Variants in AFAP1 observed in about 807,000 individuals in gnomAD.
The protein encoded by AFAP1 is actin filament-associated protein 1.
AFAP1 carries 75 observed loss-of-function variants against 93.9 expected under a neutral mutation model. The observed-to-expected ratio is 0.80, with a 90% CI of 0.66 to 0.97. The LOEUF (loss-of-function observed/expected upper bound fraction) is 0.97, where lower values mean the gene tolerates loss of function less well. Ranked by LOEUF, AFAP1 falls within the 50% of genes least tolerant of loss-of-function variation. The pLI, the probability that AFAP1 is intolerant of heterozygous loss-of-function variation, is 0.00. For missense variants in AFAP1, 1,201 were observed against 1,050.8 expected (o/e 1.14, Z -1.98); for synonymous variants, 517 against 430.7 (o/e 1.20, Z -2.48).
chr4:7,880,584 C>T (rs78972617), intron 1 of AFAP1, among the ~76,000 whole-genome samples: 17,351 of 152,264 alleles, frequency 0.11, 1,133 homozygotes, highest in Non-Finnish European at 0.16. Context: ...GGCCCAAATG[C>T]CTTTATTTCA....
intron 1 of AFAP1, among the ~76,000 whole-genome samples, chr4:7,928,707 G>A (rs1019258096): frequency 2.0e-5 from 3 of 152,158 alleles, no homozygotes; most frequent in African/African-American, 7.2e-5. Flanking sequence ...TTTTATTCCT[G>A]AATTAAACCT....
rs190246659 is a variant in AFAP1 at position 7,809,596 on chromosome 4, C to T, written c.1054+18G>A. The T allele has an allele frequency of 3.2e-5, 52 of 1,606,326 alleles. No individual in the cohort carries two copies. Among genetic ancestry groups the T allele is most frequent in the East Asian group, 1.1e-4 (5 of 44,772 alleles). ...CACTTAGGTGCACGCTGCTCGTCTC[C>T]GGGAAGCGCAGTCTTACCGCAGGTG... is the stretch of plus-strand genomic sequence containing the variant. On this transcript the variant is annotated intron_variant, in intron 9 of 17. Coordinates refer to ENST00000420658, the MANE Select transcript of AFAP1 (RefSeq NM_001134647.2).
At chr4:7,884,954 C>A (rs73073932) in intron 1 of AFAP1, among the ~76,000 whole-genome samples, 2,806 of 152,278 alleles carry the variant, frequency 0.018, 50 homozygotes, top group South Asian at 0.067. Flanking sequence ...CCCACCACAC[C>A]TCTGTGCTTT....
At chr4:7,776,556 A>C (rs1716148576) in intron 14 of AFAP1, 1 of 152,192 alleles carries the variant, frequency 6.6e-6, no homozygotes, top group Non-Finnish European at 1.5e-5. Flanking sequence ...GCAGGGAGCC[A>C]TTTCTAGCAC....
At chr4:7,831,828 C>G (rs912854500) in intron 6 of AFAP1, among the ~76,000 whole-genome samples, 3 of 152,106 alleles carry the variant, frequency 2.0e-5, no homozygotes, top group Admixed American at 1.3e-4. Flanking sequence ...GTGAAGAAAA[C>G]AGAATCATAC....
chr4:7,875,149 C>T (rs980630408), intron 1 of AFAP1, among the ~76,000 whole-genome samples: 3 of 152,122 alleles, frequency 2.0e-5, no homozygotes, highest in African/African-American at 7.2e-5. Flanking sequence ...ATGCAAAAAG[C>T]CTAAGCAAAA....
chr4:7,912,285 G>C (rs541140144), intron 1 of AFAP1, among the ~76,000 whole-genome samples: 78 of 152,274 alleles, frequency 5.1e-4, no homozygotes, highest in African/African-American at 1.8e-3. Context: ...TTTGTGTGAA[G>C]GTTAAGTCTT....
chr4:7,881,824 C>T (rs1433757867), intron 1 of AFAP1, among the ~76,000 whole-genome samples: 1 of 151,920 alleles, frequency 6.6e-6, no homozygotes, highest in African/African-American at 2.4e-5. Flanking sequence ...ACTCTGTCAC[C>T]ACATAAACCT....
chr4:7,793,007 A>C (rs964113044), intron 11 of AFAP1, among the ~76,000 whole-genome samples: 2 of 152,328 alleles, frequency 1.3e-5, no homozygotes, highest in East Asian at 3.9e-4. Flanking sequence ...GTATATTATG[A>C]AAATAATTTA....
intron 16 of AFAP1, among the ~76,000 whole-genome samples, chr4:7,771,053 C>T (rs1329172293): frequency 6.6e-6 from 1 of 152,264 alleles, no homozygotes; most frequent in Non-Finnish European, 1.5e-5. Context: ...ATTCCCCCTG[C>T]ACCCCTCCTC....
At chr4:7,845,889 G>A (rs1260719495) in intron 4 of AFAP1, among the ~76,000 whole-genome samples, 1 of 152,142 alleles carries the variant, frequency 6.6e-6, no homozygotes, top group African/African-American at 2.4e-5. Flanking sequence ...GGGGTGGGGG[G>A]GGCAAGATCT....
intron 13 of AFAP1, chr4:7,779,149 A>G (rs1716480413): frequency 2.5e-6 from 1 of 399,988 alleles, no homozygotes. Context: ...CTGGCAGACC[A>G]CAAATGCTAA....
intron 1 of AFAP1, among the ~76,000 whole-genome samples, chr4:7,872,938 TTAAAAAAAAAAA>T (rs1717177224): frequency 7.4e-6 from 1 of 135,844 alleles, no homozygotes; most frequent in South Asian, 2.6e-4. Flanking sequence ...TTTTTTTTTT[TTAAAAAAAAAAA>T]AAAAAAAAAA....
chr4:7,763,907 T>C (rs1714166079), intron 17 of AFAP1, 116 bp from the exon 18 acceptor site: 2 of 950,490 alleles, frequency 2.1e-6, no homozygotes, highest in South Asian at 2.8e-5. Context: ...TGCAGAAAAC[T>C]CAACAGAATC....
chr4:7,810,526 T>C (rs1044351062), intron 8 of AFAP1, among the ~76,000 whole-genome samples: 4 of 152,102 alleles, frequency 2.6e-5, no homozygotes, highest in Non-Finnish European at 4.4e-5. Context: ...AATTGACTCT[T>C]CCTCAGGAGC....
At chr4:7,821,773 G>A (rs545182104) in intron 6 of AFAP1, among the ~76,000 whole-genome samples, 4 of 152,186 alleles carry the variant, frequency 2.6e-5, no homozygotes, top group Non-Finnish European at 5.9e-5. Flanking sequence ...CCCTCAGCTT[G>A]TGCTGGTGCT....
At chr4:7,854,523 CG>C (rs780540693) in intron 4 of AFAP1, among the ~76,000 whole-genome samples, 143 of 152,284 alleles carry the variant, frequency 9.4e-4, no homozygotes, top group Non-Finnish European at 1.6e-3. Context: ...TAGCCGCGCT[CG>C]TAGACTGCCA....
chr4:7,907,758 A>G (rs2149222880), intron 1 of AFAP1, among the ~76,000 whole-genome samples: 1 of 152,292 alleles, frequency 6.6e-6, no homozygotes, highest in Non-Finnish European at 1.5e-5. Context: ...AAAATCTGAA[A>G]CACTTCTGGT....
chr4:7,922,026 G>C (rs1316849727), intron 1 of AFAP1, among the ~76,000 whole-genome samples: 5 of 152,186 alleles, frequency 3.3e-5, no homozygotes, highest in African/African-American at 1.2e-4. Context: ...GGGAGGCTGA[G>C]GCAGCAGAAT....
Sources: allele counts gnomAD v4.1 joint callset (sites outside exome capture counted in the v4.1 genomes callset), GRCh38; gene constraint gnomAD v4.1.1; transcripts MANE v1.5; gene names NCBI Gene and HGNC (gene_info 2026-07-23, HGNC 2026-07-21).